Variants in AFG2A observed in about 807,000 individuals in gnomAD.
AFG2A encodes ATPase family gene 2 protein homolog A.
the AFG2A span, among the ~76,000 whole-genome samples, chr4:123,125,779 G>A: frequency 6.6e-6 from 1 of 152,194 alleles, no homozygotes; most frequent in Admixed American, 6.5e-5. Flanking sequence ...TCTGAATCCA[G>A]TCCAGCCTCC....
At chr4:123,095,049 A>ATATATATATG in the AFG2A span, among the ~76,000 whole-genome samples, 10 of 42,472 alleles carry the variant, frequency 2.4e-4, no homozygotes, top group Non-Finnish European at 6.2e-4. Context: ...AAAAATATAT[A>ATATATATATG]TATATATATA....
At chr4:123,026,539 T>C in the AFG2A span, among the ~76,000 whole-genome samples, 1 of 152,172 alleles carries the variant, frequency 6.6e-6, no homozygotes, top group Non-Finnish European at 1.5e-5. Flanking sequence ...TTAGCTTAAG[T>C]TATATGGATT....
At chr4:123,243,556 T>C in the AFG2A span, among the ~76,000 whole-genome samples, 3 of 151,878 alleles carry the variant, frequency 2.0e-5, no homozygotes, top group Non-Finnish European at 4.4e-5. Flanking sequence ...ATGAGAACAC[T>C]TGGACGCAGG....
chr4:122,959,395 GA>G, the AFG2A span, among the ~76,000 whole-genome samples: 5 of 152,012 alleles, frequency 3.3e-5, no homozygotes, highest in South Asian at 2.1e-4. Context: ...AAATAATTCT[GA>G]AAAAAAGTCA....
the AFG2A span, among the ~76,000 whole-genome samples, chr4:123,087,703 G>A: frequency 1.5e-4 from 23 of 152,060 alleles, no homozygotes; most frequent in African/African-American, 5.6e-4. Context: ...TCCTACCCTG[G>A]CACTGGCTCT....
chr4:123,210,021 A>G, the AFG2A span, among the ~76,000 whole-genome samples: 1 of 152,120 alleles, frequency 6.6e-6, no homozygotes, highest in African/African-American at 2.4e-5. Context: ...TAACCTTTCC[A>G]GCACTTTGGG....
chr4:123,109,849 C>T, the AFG2A span, among the ~76,000 whole-genome samples: 2 of 152,108 alleles, frequency 1.3e-5, no homozygotes, highest in African/African-American at 4.8e-5. Context: ...CACATAGTAG[C>T]AGTTAGTATG....
the AFG2A span, among the ~76,000 whole-genome samples, chr4:123,088,191 T>C: frequency 6.6e-6 from 1 of 152,190 alleles, no homozygotes; most frequent in African/African-American, 2.4e-5. Context: ...GTATTCTGTG[T>C]TCTCTCTCTT....
chr4:123,020,467 CAAGTG>C, the AFG2A span, among the ~76,000 whole-genome samples: 1 of 150,970 alleles, frequency 6.6e-6, no homozygotes, highest in African/African-American at 2.4e-5. Context: ...CTCCCTGGTT[CAAGTG>C]ATTCCCTTGC....
At chr4:122,995,490 T>C in the AFG2A span, among the ~76,000 whole-genome samples, 1 of 152,304 alleles carries the variant, frequency 6.6e-6, no homozygotes, top group South Asian at 2.1e-4. Context: ...AGAATCAAGA[T>C]TGTAGTTTTA....
chr4:123,095,030 C>CAAAAAAA, the AFG2A span, among the ~76,000 whole-genome samples: 2,902 of 35,174 alleles, frequency 0.083, 387 homozygotes, highest in Non-Finnish European at 0.16. Flanking sequence ...TCCCTCCCCA[C>CAAAAAAA]AAAAAAAAAA....
the AFG2A span, among the ~76,000 whole-genome samples, chr4:123,273,966 G>A: frequency 6.6e-6 from 1 of 152,104 alleles, no homozygotes; most frequent in Non-Finnish European, 1.5e-5. Flanking sequence ...GGTTAGCTAA[G>A]GACCTGTCTA....
At chr4:122,974,801 C>T in the AFG2A span, among the ~76,000 whole-genome samples, 27 of 151,992 alleles carry the variant, frequency 1.8e-4, no homozygotes, top group East Asian at 1.8e-3. Context: ...CCACCACACC[C>T]GGCTAATTTT....
At chr4:123,057,636 T>A in the AFG2A span, among the ~76,000 whole-genome samples, 1 of 152,168 alleles carries the variant, frequency 6.6e-6, no homozygotes, top group Non-Finnish European at 1.5e-5. Context: ...TTAATCATAA[T>A]TACTTCTTGT....
chr4:123,165,168 G>A, the AFG2A span, among the ~76,000 whole-genome samples: 3 of 152,066 alleles, frequency 2.0e-5, no homozygotes, highest in African/African-American at 7.2e-5. Flanking sequence ...TCCAGCTAAG[G>A]AAAATTATAG....
chr4:123,289,734 G>C, the AFG2A span, among the ~76,000 whole-genome samples: 1 of 152,180 alleles, frequency 6.6e-6, no homozygotes, highest in Non-Finnish European at 1.5e-5. Flanking sequence ...ACCGGGGTAA[G>C]ATGATATCTC....
At chr4:123,017,205 GAGA>G in the AFG2A span, among the ~76,000 whole-genome samples, 2 of 124,244 alleles carry the variant, frequency 1.6e-5, no homozygotes, top group African/African-American at 6.7e-5. Context: ...GAGGGAGAGG[GAGA>G]GAGAGAGGGA....
At chr4:123,267,342 A>G in the AFG2A span, among the ~76,000 whole-genome samples, 1 of 152,002 alleles carries the variant, frequency 6.6e-6, no homozygotes, top group Non-Finnish European at 1.5e-5. Context: ...GATGTTCTTT[A>G]ATAATAGCTC....
At chr4:123,200,855 T>C in the AFG2A span, among the ~76,000 whole-genome samples, 60 of 152,348 alleles carry the variant, frequency 3.9e-4, no homozygotes, top group Non-Finnish European at 8.8e-5. Flanking sequence ...AAAGATCCAA[T>C]GTCCTCACAT....
Sources: allele counts gnomAD v4.1 joint callset (sites outside exome capture counted in the v4.1 genomes callset), GRCh38; gene constraint gnomAD v4.1.1; transcripts MANE v1.5; gene names NCBI Gene and HGNC (gene_info 2026-07-23, HGNC 2026-07-21).